PPP3CA: variants seen among roughly 807,000 people sequenced by gnomAD.
PPP3CA encodes the protein protein phosphatase 3 catalytic subunit alpha, also known as CAM-PRP catalytic subunit.
A neutral mutation model predicts 66.5 loss-of-function variants in PPP3CA; 14 were observed. The observed-to-expected ratio is 0.21, with a 90% CI of 0.14 to 0.33. PPP3CA has a LOEUF of 0.33. Ranked by LOEUF, PPP3CA falls within the 10% of genes least tolerant of loss-of-function variation. The pLI is 1.00. For synonymous variants in PPP3CA, 232 were observed against 226.2 expected (o/e 1.03, Z -0.23); for missense variants, 317 against 639.5 (o/e 0.50, Z 5.44).
At chr4:101,330,516 C>A in intron 1 of PPP3CA, 1 of 485,818 alleles carries the variant, frequency 2.1e-6, no homozygotes, top group South Asian at 1.6e-5. Context: ...GAAGTATGTA[C>A]ATTGCTTTTT....
intron 1 of PPP3CA, among the ~76,000 whole-genome samples, chr4:101,335,623 G>A (rs1729604892): frequency 6.6e-6 from 1 of 152,082 alleles, no homozygotes; most frequent in African/African-American, 2.4e-5. Flanking sequence ...AATAACAAGG[G>A]AATTTCAATG....
Position 101,094,220 on chromosome 4 carries a change from T to C in PPP3CA, c.643-305A>G, listed in dbSNP as rs190176640. 2.0e-5 allele frequency among the ~76,000 whole-genome samples: 3 copies of C among 152,284 alleles called. No homozygotes were observed. In the East Asian group the frequency reaches 5.8e-4, roughly 29 times the overall value. On this transcript the variant is annotated intron_variant, in intron 5 of 13. Coordinates refer to ENST00000394854, the MANE Select transcript of PPP3CA (RefSeq NM_000944.5). Reference sequence around the variant, plus strand: ...ATTTCGCAGTTTCTCATTTCTCCTATTCTACATTTTATCCTTCTCTCCTTA... The same window carrying C: ...ATTTCGCAGTTTCTCATTTCTCCTACTCTACATTTTATCCTTCTCTCCTTA...
chr4:101,053,313 C>T (rs558361276), intron 10 of PPP3CA, among the ~76,000 whole-genome samples: 1 of 152,152 alleles, frequency 6.6e-6, no homozygotes, highest in Admixed American at 6.6e-5. Flanking sequence ...CTAATTCTGG[C>T]CAGACTTATA....
rs1299701296 is a variant in PPP3CA, at chr4:101,027,110, TG to T, written c.1370-1050del. Among the ~76,000 whole-genome samples, 38 of 152,272 alleles carry T rather than the reference TG, an allele frequency of 2.5e-4. No homozygotes were observed. In the East Asian group the frequency reaches 7.1e-3, roughly 29 times the overall value. On this transcript the variant is annotated intron_variant, in intron 13 of 13. Transcript: ENST00000394854. The stretch of plus-strand genomic sequence containing the variant: ...GTGAGCTGCAAATAAAACACATAAA[TG>T]GGGAACCAATGACATCAGTTTGCTT...
At chr4:101,333,574 G>A (rs1729519816) in intron 1 of PPP3CA, among the ~76,000 whole-genome samples, 1 of 151,972 alleles carries the variant, frequency 6.6e-6, no homozygotes, top group Non-Finnish European at 1.5e-5. Flanking sequence ...GTCTTGTATA[G>A]CGCTAGGCAC....
At chr4:101,191,763 A>C (rs1450413183) in intron 2 of PPP3CA, among the ~76,000 whole-genome samples, 2 of 152,272 alleles carry the variant, frequency 1.3e-5, no homozygotes, top group Admixed American at 6.5e-5. Context: ...CTGTAAGGGA[A>C]GGACTGCCAT....
At chr4:101,239,057 A>G (rs1172661266) in intron 1 of PPP3CA, among the ~76,000 whole-genome samples, 2 of 152,130 alleles carry the variant, frequency 1.3e-5, no homozygotes, top group Non-Finnish European at 2.9e-5. Context: ...GAAGGGCAGG[A>G]AACAGATTGT....
intron 1 of PPP3CA, among the ~76,000 whole-genome samples, chr4:101,336,389 A>G (rs149269794): frequency 0.11 from 16,149 of 150,942 alleles, 2,915 homozygotes; most frequent in African/African-American, 0.37. Flanking sequence ...TGACCAACAT[A>G]GTGAAACCCA....
intron 6 of PPP3CA, 143 bp downstream of exon 6, chr4:101,093,628 TTTATA>T (rs1248321303): frequency 1.3e-6 from 1 of 791,162 alleles, no homozygotes; most frequent in African/African-American, 1.8e-5. Flanking sequence ...TATTCATTTA[TTTATA>T]TTTTCATTTT....
intron 2 of PPP3CA, among the ~76,000 whole-genome samples, chr4:101,143,742 T>C (rs112973280): frequency 0.05 from 7,638 of 152,268 alleles, 245 homozygotes; most frequent in Middle Eastern, 0.11. Flanking sequence ...ATTTTACCAC[T>C]GTCTACACAA....
chr4:101,284,467 T>C (rs1727775673), intron 1 of PPP3CA, among the ~76,000 whole-genome samples: 1 of 152,176 alleles, frequency 6.6e-6, no homozygotes, highest in South Asian at 2.1e-4. Flanking sequence ...TGCTTTTGTT[T>C]CTGAACAGTA....
rs569477132 is a variant in PPP3CA, at chr4:101,315,555, C to CA, written c.58+31183dup. 4.3e-3 allele frequency among the ~76,000 whole-genome samples: 655 copies of CA among 152,084 alleles called. 4 individuals carry two copies. The highest frequency in any genetic ancestry group is 7.7e-3 in the Non-Finnish European group (525 of 67,982). On this transcript the variant is annotated intron_variant, in intron 1 of 13. Coordinates refer to ENST00000394854, the MANE Select transcript of PPP3CA (RefSeq NM_000944.5). The stretch of plus-strand genomic sequence containing the variant: ...CTCATTCAAGACGCAGAAATATGCC[C>CA]AAAAGAATAAAGCCAATAAAGTATA...
intron 1 of PPP3CA, among the ~76,000 whole-genome samples, chr4:101,212,642 CA>C (rs1725333042): frequency 6.6e-6 from 1 of 151,968 alleles, no homozygotes; most frequent in Non-Finnish European, 1.5e-5. Flanking sequence ...AAAAAAAGAA[CA>C]AAAAAGACGG....
intron 1 of PPP3CA, among the ~76,000 whole-genome samples, chr4:101,336,791 C>G (rs1199172692): frequency 6.6e-6 from 1 of 152,028 alleles, no homozygotes; most frequent in Non-Finnish European, 1.5e-5. Context: ...TAGGGAGCTG[C>G]CTCTCACTAG....
At chr4:101,185,786 A>G (rs1724390904) in intron 2 of PPP3CA, among the ~76,000 whole-genome samples, 1 of 152,168 alleles carries the variant, frequency 6.6e-6, no homozygotes, top group Non-Finnish European at 1.5e-5. Flanking sequence ...CTTGAGTAAT[A>G]TTTTAATGGA....
At chr4:101,036,647 C>A (rs1727265480) in intron 11 of PPP3CA, among the ~76,000 whole-genome samples, 1 of 152,170 alleles carries the variant, frequency 6.6e-6, no homozygotes, top group South Asian at 2.1e-4. Flanking sequence ...CTCCTGACCT[C>A]ATGATCCACC....
chr4:101,054,786 T>G (rs1728158977), intron 10 of PPP3CA, among the ~76,000 whole-genome samples: 1 of 152,064 alleles, frequency 6.6e-6, no homozygotes, highest in African/African-American at 2.4e-5. Flanking sequence ...AAAAAGCTAC[T>G]CTGATTCCAT....
intron 1 of PPP3CA, among the ~76,000 whole-genome samples, chr4:101,225,081 C>G (rs184597203): frequency 1.3e-5 from 2 of 151,786 alleles, no homozygotes; most frequent in African/African-American, 2.4e-5. Flanking sequence ...TCCCTCACCC[C>G]CTTTAGGTCT....
intron 8 of PPP3CA, among the ~76,000 whole-genome samples, chr4:101,070,370 CAT>C (rs1485307253): frequency 6.6e-6 from 1 of 151,984 alleles, no homozygotes; most frequent in African/African-American, 2.4e-5. Context: ...CTGAGGGAAA[CAT>C]AAAGCAATTC....
Sources: allele counts gnomAD v4.1 joint callset (sites outside exome capture counted in the v4.1 genomes callset), GRCh38; gene constraint gnomAD v4.1.1; transcripts MANE v1.5; gene names NCBI Gene and HGNC (gene_info 2026-07-23, HGNC 2026-07-21).